The following ARPP21 variants were observed in gnomAD, a reference collection of about 807,000 sequenced individuals.
ARPP21 encodes cAMP regulated phosphoprotein 21.
In ARPP21, 69 loss-of-function variants were observed where a neutral mutation model predicts 113.2. The observed-to-expected ratio is 0.61, with a 90% CI of 0.50 to 0.74. The LOEUF is 0.74. Among genes scored for constraint, ARPP21 ranks in the 30% least tolerant of loss-of-function variants. The pLI is 0.00. For missense variants in ARPP21, 1,070 were observed against 1,037.4 expected (o/e 1.03, Z -0.43); for synonymous variants, 368 against 375.5 (o/e 0.98, Z 0.23).
At chr3:35,665,494 A>G (rs2074119271) in intron 1 of ARPP21, among the ~76,000 whole-genome samples, 1 of 152,224 alleles carries the variant, frequency 6.6e-6, no homozygotes, top group Non-Finnish European at 1.5e-5. Flanking sequence ...CCACACACAT[A>G]CATCCATGTA....
rs543736684 is a variant in ARPP21, at chr3:35,661,834, C to T, written c.-212-17953C>T. The stretch of plus-strand genomic sequence containing the variant: ...TCCATGTGTATAAAGGAGACAGTGA[C>T]ATACCTGTTTCTGGTTGTGAGGTAA... On this transcript the variant is annotated intron_variant, in intron 1 of 20. Coordinates refer to ENST00000684406, the MANE Select transcript of ARPP21 (RefSeq NM_001385562.1). 1.4e-3 allele frequency among the ~76,000 whole-genome samples: 219 copies of T among 152,204 alleles called. 1 individual carries two copies. The highest frequency in any genetic ancestry group is 2.4e-3 in the Non-Finnish European group (162 of 68,014).
At chr3:35,780,613 T>C (rs2096500935) in intron 19 of ARPP21, among the ~76,000 whole-genome samples, 1 of 152,018 alleles carries the variant, frequency 6.6e-6, no homozygotes, top group Non-Finnish European at 1.5e-5. Flanking sequence ...CAATAGGAAT[T>C]CAAGGTAATG....
intron 1 of ARPP21, among the ~76,000 whole-genome samples, chr3:35,652,839 A>G (rs1411918449): frequency 1.3e-5 from 2 of 151,974 alleles, no homozygotes; most frequent in Non-Finnish European, 2.9e-5. Context: ...TGATTAGGTC[A>G]TTTGTGCCAT....
At chr3:35,658,437 T>C (rs866118948) in intron 1 of ARPP21, among the ~76,000 whole-genome samples, 1 of 152,114 alleles carries the variant, frequency 6.6e-6, no homozygotes, top group Non-Finnish European at 1.5e-5. Flanking sequence ...ATCTGCTTGC[T>C]ATGAGTTAAG....
chr3:35,748,519 A>T (rs1385526339), intron 19 of ARPP21, among the ~76,000 whole-genome samples: 1 of 152,060 alleles, frequency 6.6e-6, no homozygotes, highest in African/African-American at 2.4e-5. Context: ...AAGGAAAGAA[A>T]GAGGAAAGAA....
chr3:35,791,029 T>G (rs904364051), intron 19 of ARPP21, among the ~76,000 whole-genome samples: 1 of 152,210 alleles, frequency 6.6e-6, no homozygotes, highest in Non-Finnish European at 1.5e-5. Flanking sequence ...CTTGCTTCTA[T>G]CTCATTTGAT....
intron 7 of ARPP21, 119 bp from the exon 8 acceptor site, chr3:35,689,962 A>G (rs2081763962): frequency 3.3e-6 from 2 of 602,458 alleles, no homozygotes; most frequent in Non-Finnish European, 6.0e-6. Flanking sequence ...AAGAAGAGTT[A>G]GGTATAAGTT....
chr3:35,703,130 A>AAC (rs2087125423), intron 9 of ARPP21, among the ~76,000 whole-genome samples: 2 of 152,030 alleles, frequency 1.3e-5, no homozygotes, highest in South Asian at 4.1e-4. Flanking sequence ...TTGGAAAATA[A>AAC]GGGAAGGATT....
intron 19 of ARPP21, among the ~76,000 whole-genome samples, chr3:35,745,566 G>T (rs1404509992): frequency 6.6e-6 from 1 of 152,112 alleles, no homozygotes; most frequent in Non-Finnish European, 1.5e-5. Context: ...AAAACATGCT[G>T]CAATCCACTA....
At chr3:35,724,647 G>C (rs1473932407) in intron 14 of ARPP21, among the ~76,000 whole-genome samples, 2 of 152,142 alleles carry the variant, frequency 1.3e-5, no homozygotes, top group Non-Finnish European at 2.9e-5. Context: ...CTTTTGTTTT[G>C]TTATAATAAT....
intron 11 of ARPP21, among the ~76,000 whole-genome samples, chr3:35,710,525 G>GCT (rs370158495): frequency 4.1e-5 from 5 of 121,856 alleles, no homozygotes; most frequent in African/African-American, 1.3e-4. Context: ...TCTCTCTCTT[G>GCT]CTCTCTCTCT....
At chr3:35,767,362 CT>C (rs2096016488) in intron 19 of ARPP21, among the ~76,000 whole-genome samples, 1 of 152,122 alleles carries the variant, frequency 6.6e-6, no homozygotes, top group South Asian at 2.1e-4. Context: ...CAAAAATAAT[CT>C]AACTTTTATA....
chr3:35,773,044 G>C (rs900173933), intron 19 of ARPP21, among the ~76,000 whole-genome samples: 7 of 152,100 alleles, frequency 4.6e-5, no homozygotes, highest in Non-Finnish European at 1.0e-4. Flanking sequence ...TTGAGCATAA[G>C]CATTGAATTT....
intron 1 of ARPP21, among the ~76,000 whole-genome samples, chr3:35,671,245 T>C (rs1328562485): frequency 6.6e-6 from 1 of 152,152 alleles, no homozygotes; most frequent in South Asian, 2.1e-4. Context: ...GTAGTTTTGT[T>C]GTTATTCTCT....
At chr3:35,699,346 T>C (rs909653509) in intron 9 of ARPP21, among the ~76,000 whole-genome samples, 1 of 151,690 alleles carries the variant, frequency 6.6e-6, no homozygotes, top group Non-Finnish European at 1.5e-5. Flanking sequence ...TTCTTCTAAA[T>C]TCTCCTGTAG....
At chr3:35,704,462 G>A (rs1259661384) in intron 9 of ARPP21, among the ~76,000 whole-genome samples, 2 of 151,762 alleles carry the variant, frequency 1.3e-5, no homozygotes, top group South Asian at 4.1e-4. Flanking sequence ...TCCAAAACTA[G>A]GAAGGCCACG....
chr3:35,735,457 C>T (rs1008291350), intron 15 of ARPP21, among the ~76,000 whole-genome samples: 1 of 152,094 alleles, frequency 6.6e-6, no homozygotes, highest in Non-Finnish European at 1.5e-5. Context: ...ACTGATGATC[C>T]TTGGTTGTTC....
intron 9 of ARPP21, among the ~76,000 whole-genome samples, chr3:35,698,428 T>G (rs532461687): frequency 1.3e-5 from 2 of 151,828 alleles, no homozygotes; most frequent in Admixed American, 1.3e-4. Flanking sequence ...TTCTATAACA[T>G]AGTATCCTTA....
chr3:35,753,997 C>G (rs1396714929), intron 19 of ARPP21, among the ~76,000 whole-genome samples: 1 of 120,050 alleles, frequency 8.3e-6, no homozygotes, highest in Non-Finnish European at 1.8e-5. Context: ...TATCGCTTTT[C>G]TCATTCTTTG....
Sources: gnomAD v4.1 joint callset for allele counts (sites outside exome capture counted in the v4.1 genomes callset) on GRCh38, gnomAD v4.1.1 for gene constraint, MANE v1.5 for transcripts, NCBI Gene and HGNC (gene_info 2026-07-23, HGNC 2026-07-21) for gene names.